PTBP3: variants seen among roughly 807,000 people sequenced by gnomAD.
The protein encoded by PTBP3 is polypyrimidine tract-binding protein 3.
PTBP3 carries 20 observed loss-of-function variants against 58.7 expected under a neutral mutation model. That is an observed-to-expected ratio of 0.34 (90% CI 0.24 to 0.50). The LOEUF is 0.50. Ranked by LOEUF, PTBP3 falls within the 20% of genes least tolerant of loss-of-function variation. The probability of loss-of-function intolerance (pLI) is 0.98; values close to 1 mark genes in which losing one functional copy is unlikely to be tolerated. For synonymous variants in PTBP3, 185 were observed against 219.8 expected (o/e 0.84, Z 1.40); for missense variants, 509 against 637.2 (o/e 0.80, Z 2.17).
chr9:112,295,225 AG>A (rs781436156), intron 2 of PTBP3, among the ~76,000 whole-genome samples: 18 of 149,456 alleles, frequency 1.2e-4, no homozygotes, highest in Non-Finnish European at 2.2e-4. Context: ...GGCGAGACAG[AG>A]CAATACTCAG....
chr9:112,243,116 T>A (rs916737154), intron 7 of PTBP3, among the ~76,000 whole-genome samples: 2 of 141,800 alleles, frequency 1.4e-5, no homozygotes, highest in Non-Finnish European at 1.5e-5. Context: ...CAGCTCTATA[T>A]TAAGTCTTAC....
the PTBP3 span, among the ~76,000 whole-genome samples, chr9:112,366,306 T>C: frequency 2.7e-5 from 4 of 150,700 alleles, no homozygotes; most frequent in Non-Finnish European, 5.9e-5. Context: ...GCATAAGTAA[T>C]GAGGAGCTGA....
At chr9:112,287,333 A>ATTT in intron 2 of PTBP3, among the ~76,000 whole-genome samples, 1 of 50,122 alleles carries the variant, frequency 2.0e-5, no homozygotes, top group African/African-American at 7.0e-5. Flanking sequence ...CTTCTTTTTC[A>ATTT]GTTTTTTGTT....
At chr9:112,365,608 T>C in the PTBP3 span, among the ~76,000 whole-genome samples, 1 of 152,158 alleles carries the variant, frequency 6.6e-6, no homozygotes, top group Non-Finnish European at 1.5e-5. Flanking sequence ...AATGGACTAA[T>C]ACAGTAAATT....
intron 4 of PTBP3, among the ~76,000 whole-genome samples, chr9:112,263,815 A>C (rs967110784): frequency 2.0e-5 from 3 of 152,170 alleles, no homozygotes; most frequent in African/African-American, 7.2e-5. Context: ...ATGCAGGCTA[A>C]AAATATTGGA....
At chr9:112,224,905 T>A (rs1209257322) in intron 12 of PTBP3, among the ~76,000 whole-genome samples, 1 of 152,174 alleles carries the variant, frequency 6.6e-6, no homozygotes, top group Non-Finnish European at 1.5e-5. Context: ...AACAGGCACA[T>A]GACTAAGCCA....
chr9:112,234,763 C>T (rs944469801), intron 8 of PTBP3, 57 bp downstream of exon 8: 2 of 1,479,650 alleles, frequency 1.4e-6, no homozygotes, highest in Admixed American at 3.5e-5. Flanking sequence ...TTGGTAAGTT[C>T]CTAGAAAATA....
intron 7 of PTBP3, among the ~76,000 whole-genome samples, chr9:112,237,786 C>A (rs1224454103): frequency 6.6e-6 from 1 of 152,072 alleles, no homozygotes; most frequent in Non-Finnish European, 1.5e-5. Flanking sequence ...CTGAAAATAA[C>A]CTACCCTATC....
intron 1 of PTBP3, among the ~76,000 whole-genome samples, chr9:112,303,579 C>T (rs1461614883): frequency 2.0e-5 from 3 of 152,146 alleles, no homozygotes. Flanking sequence ...AAAATAAATA[C>T]TACAGGCTGG....
upstream of PTBP3, among the ~76,000 whole-genome samples, chr9:112,338,639 A>T (rs375986789): frequency 5.9e-5 from 9 of 152,340 alleles, no homozygotes; most frequent in African/African-American, 2.2e-4. Flanking sequence ...TAGTCAAATA[A>T]GGTTGTAACA....
At chr9:112,370,918 GATT>G in the PTBP3 span, among the ~76,000 whole-genome samples, 5 of 151,512 alleles carry the variant, frequency 3.3e-5, no homozygotes, top group African/African-American at 9.7e-5. Context: ...TTCCTTTTTG[GATT>G]ATTTATTACT....
chr9:112,372,033 T>C, the PTBP3 span, among the ~76,000 whole-genome samples: 1 of 152,206 alleles, frequency 6.6e-6, no homozygotes, highest in African/African-American at 2.4e-5. Context: ...TGAAGAGTTT[T>C]CTGCATCAGC....
the PTBP3 span, among the ~76,000 whole-genome samples, chr9:112,349,509 G>C: frequency 6.6e-6 from 1 of 152,164 alleles, no homozygotes; most frequent in African/African-American, 2.4e-5. Flanking sequence ...CTCAAACAGG[G>C]CTGTGTTATG....
chr9:112,262,772 C>T (rs1336770215), intron 4 of PTBP3, among the ~76,000 whole-genome samples, 173 bp from the exon 5 acceptor site: 1 of 152,194 alleles, frequency 6.6e-6, no homozygotes, highest in African/African-American at 2.4e-5. Flanking sequence ...TCAAACACCT[C>T]CCTGCATACC....
chr9:112,327,772 T>C (rs1322396349), intron 1 of PTBP3, among the ~76,000 whole-genome samples: 1 of 150,200 alleles, frequency 6.7e-6, no homozygotes, highest in African/African-American at 2.5e-5. Flanking sequence ...ATGATTTCTT[T>C]CTCACCATAG....
intron 2 of PTBP3, among the ~76,000 whole-genome samples, chr9:112,289,112 A>G (rs1828265033): frequency 6.6e-6 from 1 of 152,230 alleles, no homozygotes; most frequent in African/African-American, 2.4e-5. Context: ...AGTAAACAGG[A>G]TGTAAACAAA....
chr9:112,366,691 C>T, the PTBP3 span, among the ~76,000 whole-genome samples: 5 of 152,268 alleles, frequency 3.3e-5, no homozygotes, highest in East Asian at 9.6e-4. Flanking sequence ...CATGGAGAAC[C>T]GCTGCTAGGG....
chr9:112,305,930 ACT>A (rs1357357889), intron 1 of PTBP3, among the ~76,000 whole-genome samples: 2 of 151,962 alleles, frequency 1.3e-5, no homozygotes, highest in Admixed American at 6.6e-5. Flanking sequence ...ACAGAGCGAG[ACT>A]CTGTCTCAAA....
intron 3 of PTBP3, among the ~76,000 whole-genome samples, chr9:112,270,429 T>G (rs1827326032): frequency 6.6e-6 from 1 of 152,222 alleles, no homozygotes; most frequent in Admixed American, 6.5e-5. Flanking sequence ...CACACTAAAC[T>G]GGCCAGAAAA....
Sources: gnomAD v4.1 joint callset for allele counts (sites outside exome capture counted in the v4.1 genomes callset) on GRCh38, gnomAD v4.1.1 for gene constraint, MANE v1.5 for transcripts, NCBI Gene and HGNC (gene_info 2026-07-23, HGNC 2026-07-21) for gene names.